The following SPINK9 variants were observed in gnomAD, a reference collection of about 807,000 sequenced individuals.
The protein encoded by SPINK9 is serine protease inhibitor Kazal-type 9.
SPINK9 carries 3 observed loss-of-function variants against 10.8 expected under a neutral mutation model. The observed-to-expected ratio is 0.28, with a 90% CI of 0.13 to 0.72. The LOEUF (loss-of-function observed/expected upper bound fraction) is 0.72, where lower values mean the gene tolerates loss of function less well. SPINK9 is among the 30% of genes least tolerant of loss of function. The pLI, the probability that SPINK9 is intolerant of heterozygous loss-of-function variation, is 0.74. For synonymous variants in SPINK9, 30 were observed against 31.2 expected, an observed-to-expected ratio of 0.96 and a Z score of 0.12; for missense variants, 101 against 103.2, an observed-to-expected ratio of 0.98 and a Z score of 0.09.
upstream of SPINK9, among the ~76,000 whole-genome samples, chr5:148,331,148 A>C (rs565055615): frequency 6.6e-6 from 1 of 152,308 alleles, no homozygotes; most frequent in East Asian, 1.9e-4. Context: ...CCTCAGTTGG[A>C]AATGCAGAAA....
In SPINK9 at chr5:148,339,848, G is replaced by A. The variant is rs1371072252; in HGVS notation, c.*136G>A. On this transcript the variant is annotated 3_prime_UTR_variant, in exon 4 of 4. Coordinates refer to ENST00000377906, the MANE Select transcript of SPINK9 (RefSeq NM_001040433.2). ...CTTTGTAGAATAAAGCAGATATAAGGGAAATAAATGTGCACCTGACTCTTT... is the reference window on the plus strand; with the variant it reads ...CTTTGTAGAATAAAGCAGATATAAGAGAAATAAATGTGCACCTGACTCTTT... 1.6e-6 allele frequency: 1 copy of A among 627,660 alleles called. No homozygotes were observed. Among genetic ancestry groups the A allele is most frequent in the Non-Finnish European group, 2.6e-6 (1 of 384,232 alleles). 38.9% of individuals were successfully genotyped at this position (627,660 alleles called of 1,614,324 possible). A position where few individuals can be genotyped will look rare whatever the true frequency, so the allele number is the denominator to read the frequency against.
upstream of SPINK9, among the ~76,000 whole-genome samples, chr5:148,334,234 G>T (rs1212529531): frequency 2.0e-5 from 3 of 151,864 alleles, 1 homozygote; most frequent in African/African-American, 7.3e-5. Flanking sequence ...GATATCAAGG[G>T]TGATCAGATA....
intron 2 of SPINK9, among the ~76,000 whole-genome samples, chr5:148,324,416 T>C (rs1028585505): frequency 6.6e-6 from 1 of 152,116 alleles, no homozygotes; most frequent in Non-Finnish European, 1.5e-5. Context: ...AGAAAAATCA[T>C]TCAGACACTG....
chr5:148,339,325 C>G (rs560659329), intron 3 of SPINK9, among the ~76,000 whole-genome samples: 1 of 151,190 alleles, frequency 6.6e-6, no homozygotes, highest in Admixed American at 6.6e-5. Context: ...GAAATACAAA[C>G]GAGCATCTAA....
chr5:148,334,070 A>G (rs1234303051), upstream of SPINK9, among the ~76,000 whole-genome samples: 7 of 152,090 alleles, frequency 4.6e-5, no homozygotes, highest in Non-Finnish European at 7.3e-5. Context: ...GGGGATTTAT[A>G]GCCAAGAAGA....
chr5:148,337,676 CAT>C (rs144524983), intron 2 of SPINK9, among the ~76,000 whole-genome samples: 6,476 of 152,090 alleles, frequency 0.043, 335 homozygotes, highest in East Asian at 0.15. Context: ...GCATTGTACA[CAT>C]ATCTTTTCAT....
chr5:148,329,990 G>C (rs1223436536), intron 2 of SPINK9, among the ~76,000 whole-genome samples: 1 of 152,150 alleles, frequency 6.6e-6, no homozygotes, highest in African/African-American at 2.4e-5. Flanking sequence ...TGTTGATTTC[G>C]GGTGGAGAGT....
At chr5:148,334,203 G>T (rs1757185997), upstream of SPINK9, among the ~76,000 whole-genome samples, 1 of 151,934 alleles carries the variant, frequency 6.6e-6, no homozygotes, top group African/African-American at 2.4e-5. Flanking sequence ...TGTCAGAGGT[G>T]GAGGATAAGG....
chr5:148,334,875 G>A (rs757274635), upstream of SPINK9, among the ~76,000 whole-genome samples: 10 of 152,094 alleles, frequency 6.6e-5, no homozygotes, highest in East Asian at 5.8e-4. Flanking sequence ...GGCTTATAGC[G>A]GATAAATAGC....
upstream of SPINK9, among the ~76,000 whole-genome samples, chr5:148,331,840 A>T (rs555757053): frequency 2.0e-5 from 3 of 152,226 alleles, no homozygotes; most frequent in Non-Finnish European, 4.4e-5. Flanking sequence ...TGTCTCTATT[A>T]TACTGTTTTG....
chr5:148,323,630 G>A (rs532914671), intron 1 of SPINK9: 23 of 514,614 alleles, frequency 4.5e-5, no homozygotes, highest in South Asian at 9.2e-5. Flanking sequence ...CTAACTTGCC[G>A]TCATATGAAT....
At chr5:148,338,774 C>G (rs1757250945) in intron 3 of SPINK9, among the ~76,000 whole-genome samples, 169 bp downstream of exon 3, 1 of 152,014 alleles carries the variant, frequency 6.6e-6, no homozygotes, top group Non-Finnish European at 1.5e-5. Flanking sequence ...TCACAATATC[C>G]CCACATATTC....
At chr5:148,329,786 T>C (rs942496372) in intron 2 of SPINK9, among the ~76,000 whole-genome samples, 3 of 151,952 alleles carry the variant, frequency 2.0e-5, no homozygotes, top group African/African-American at 7.3e-5. Context: ...CAGGAGCAGG[T>C]TGTTCAGTTT....
chr5:148,332,737 T>C (rs1430004282), upstream of SPINK9, among the ~76,000 whole-genome samples: 1 of 152,176 alleles, frequency 6.6e-6, no homozygotes, highest in African/African-American at 2.4e-5. Context: ...GCTGGACTCA[T>C]CATAGAGGGA....
chr5:148,327,123 C>T (rs1309421855), intron 2 of SPINK9, among the ~76,000 whole-genome samples: 1 of 152,164 alleles, frequency 6.6e-6, no homozygotes, highest in Non-Finnish European at 1.5e-5. Context: ...AGTTAACAGT[C>T]CCACCAACAG....
At chr5:148,323,773 A>T (rs1343202100) in exon 2 of SPINK9, 3 of 700,936 alleles carry the variant, frequency 4.3e-6, no homozygotes, top group East Asian at 5.4e-5. Flanking sequence ...AATCCTTCTC[A>T]TCATTGTTTT....
At chr5:148,335,296 A>G (rs9784591), upstream of SPINK9, among the ~76,000 whole-genome samples, 3 of 152,232 alleles carry the variant, frequency 2.0e-5, no homozygotes, top group African/African-American at 7.2e-5. Flanking sequence ...AAGTTATTGT[A>G]TGAAATGAAA....
At chr5:148,338,361 C>A in intron 2 of SPINK9, 117 bp from the exon 3 acceptor site, 1 of 877,124 alleles carries the variant, frequency 1.1e-6, no homozygotes, top group Non-Finnish European at 1.7e-6. Context: ...AGATGAGAAC[C>A]AACAATTGTA....
chr5:148,331,055 C>T (rs558987673), upstream of SPINK9, among the ~76,000 whole-genome samples: 5 of 152,342 alleles, frequency 3.3e-5, no homozygotes, highest in East Asian at 5.8e-4. Flanking sequence ...TGATGCCTCG[C>T]CCTGCTTCGG....
Sources: allele counts gnomAD v4.1 joint callset (sites outside exome capture counted in the v4.1 genomes callset), GRCh38; gene constraint gnomAD v4.1.1; transcripts MANE v1.5; gene names NCBI Gene and HGNC (gene_info 2026-07-23, HGNC 2026-07-21).